The following DESI2 variants were observed in gnomAD, a reference collection of about 807,000 sequenced individuals.
The protein encoded by DESI2 is deubiquitinase DESI2.
Under a neutral mutation model 24.1 loss-of-function variants are expected in DESI2, and 10 were observed. That is an observed-to-expected ratio of 0.41 (90% CI 0.26 to 0.70). The LOEUF (loss-of-function observed/expected upper bound fraction) is 0.70, where lower values mean the gene tolerates loss of function less well. DESI2 is among the 30% of genes least tolerant of loss of function. The pLI is 0.29. For synonymous variants in DESI2, 71 were observed against 87.7 expected, an observed-to-expected ratio of 0.81 and a Z score of 1.06; for missense variants, 122 against 234.9, an observed-to-expected ratio of 0.52 and a Z score of 3.14.
chr1:244,676,444 A>AT (rs1032082290), intron 1 of DESI2, among the ~76,000 whole-genome samples: 2 of 152,004 alleles, frequency 1.3e-5, no homozygotes, highest in Non-Finnish European at 2.9e-5. Flanking sequence ...AGTTTTAGTA[A>AT]TTTTTTAGTG....
intron 4 of DESI2, chr1:244,694,452 G>T (rs1362219201): frequency 3.9e-6 from 3 of 774,082 alleles, no homozygotes; most frequent in Non-Finnish European, 7.0e-6. Flanking sequence ...GGATGCTGCA[G>T]CAGCTGCCCT....
chr1:244,698,939 T>C (rs925325811), intron 4 of DESI2, among the ~76,000 whole-genome samples: 1 of 152,326 alleles, frequency 6.6e-6, no homozygotes, highest in Non-Finnish European at 1.5e-5. Context: ...GGGGAAAGCA[T>C]ATCACTAGGA....
intron 1 of DESI2, among the ~76,000 whole-genome samples, chr1:244,674,333 T>TTA (rs1340454155): frequency 1.3e-5 from 2 of 149,074 alleles, no homozygotes; most frequent in African/African-American, 4.9e-5. Context: ...TTTTTTTTTT[T>TTA]AACAGCCTTT....
rs1677699178 is a variant in DESI2 at position 244,706,201 on chromosome 1, G to A, written c.*412G>A. The A allele has an allele frequency of 5.5e-6, 1 of 181,582 alleles. No individual in the cohort carries two copies. Among genetic ancestry groups the A allele is most frequent in the Non-Finnish European group, 1.2e-5 (1 of 85,116 alleles). The allele number at this position is 181,582 out of a possible 1,614,324, so 11.2% of individuals were successfully genotyped here. ...AATTGCCAGATCTATGGCATAAATA[G>A]GCACACAAAAAGGTACTTAAACAGT... is the stretch of plus-strand genomic sequence containing the variant. On this transcript the variant is annotated 3_prime_UTR_variant, in exon 5 of 5. Coordinates refer to ENST00000302550, the MANE Select transcript of DESI2 (RefSeq NM_016076.5).
Position 244,707,844 on chromosome 1 carries a change from T to C in DESI2, c.*2055T>C, listed in dbSNP as rs1007041332. 2.6e-5 allele frequency: 4 copies of C among 152,228 alleles called. No homozygotes were observed. The highest frequency in any genetic ancestry group is 2.6e-4 in the Admixed American group (4 of 15,286). The allele number at this position is 152,228 out of a possible 1,614,324, so 9.4% of individuals were successfully genotyped here. ...ATTTTGTTGTATTTACTTGCATTTG[T>C]TGTATTTACTTTCATCTGCAGCATT... On this transcript the variant is annotated 3_prime_UTR_variant, in exon 5 of 5. Transcript: ENST00000302550.
chr1:244,663,877 G>A (rs1675943323), intron 1 of DESI2, among the ~76,000 whole-genome samples: 1 of 151,992 alleles, frequency 6.6e-6, no homozygotes, highest in African/African-American at 2.4e-5. Flanking sequence ...AATTAGCCAG[G>A]CGTGGTGGCG....
chr1:244,693,218 A>C (rs1282522679), intron 4 of DESI2, among the ~76,000 whole-genome samples: 1 of 152,168 alleles, frequency 6.6e-6, no homozygotes, highest in Non-Finnish European at 1.5e-5. Flanking sequence ...TCCAGTGCTT[A>C]TTATATTTTA....
chr1:244,677,601 C>T (rs1422379893), intron 1 of DESI2, among the ~76,000 whole-genome samples: 1 of 152,062 alleles, frequency 6.6e-6, no homozygotes. Flanking sequence ...GAAACAGAGC[C>T]TTCAAAAAAA....
intron 4 of DESI2, among the ~76,000 whole-genome samples, chr1:244,705,326 A>G (rs1423518152): frequency 6.6e-6 from 1 of 152,198 alleles, no homozygotes; most frequent in Non-Finnish European, 1.5e-5. Flanking sequence ...TATGAAAAGT[A>G]AGCAACTTGA....
intron 1 of DESI2, among the ~76,000 whole-genome samples, chr1:244,655,465 T>C (rs1675614169): frequency 6.6e-6 from 1 of 152,236 alleles, no homozygotes; most frequent in African/African-American, 2.4e-5. Context: ...TTGAGTGTTT[T>C]ATGTCACTAA....
intron 1 of DESI2, among the ~76,000 whole-genome samples, chr1:244,658,059 C>G (rs1056971345): frequency 1.1e-4 from 17 of 152,144 alleles, no homozygotes; most frequent in African/African-American, 3.6e-4. Flanking sequence ...TTATTTAAAT[C>G]GGTTACTTTA....
intron 1 of DESI2, among the ~76,000 whole-genome samples, chr1:244,661,284 C>T (rs1675830341): frequency 6.6e-6 from 1 of 152,122 alleles, no homozygotes; most frequent in Non-Finnish European, 1.5e-5. Context: ...TTGTGACTGG[C>T]TTATTTCACT....
chr1:244,674,697 CTT>C (rs1676356448), intron 1 of DESI2, among the ~76,000 whole-genome samples: 1 of 152,148 alleles, frequency 6.6e-6, no homozygotes, highest in African/African-American at 2.4e-5. Flanking sequence ...TACCTCATTC[CTT>C]TTTACTGAGA....
intron 2 of DESI2, among the ~76,000 whole-genome samples, chr1:244,688,821 TC>T (rs1476374831): frequency 6.6e-6 from 1 of 152,218 alleles, no homozygotes; most frequent in Admixed American, 6.5e-5. Flanking sequence ...ATAGTCTTTA[TC>T]CCAGAAACCA....
chr1:244,693,472 C>T (rs780405577), intron 4 of DESI2, among the ~76,000 whole-genome samples: 32 of 151,834 alleles, frequency 2.1e-4, no homozygotes, highest in Admixed American at 1.2e-3. Flanking sequence ...CTCTTTGTCA[C>T]CCAGGCTGGA....
At chr1:244,673,185 T>C (rs12406215) in intron 1 of DESI2, among the ~76,000 whole-genome samples, 34,072 of 152,100 alleles carry the variant, frequency 0.22, 3,877 homozygotes, top group South Asian at 0.3. Flanking sequence ...GTTGTAAAGA[T>C]TGAGCCTTCC....
In DESI2 at chr1:244,666,790, A is replaced by G. The variant is rs553781301; in HGVS notation, c.42+13435A>G. Reference sequence around the variant, plus strand: ...AGACATAACTGAAACTGGGAACAAAAAGAGGTTTAATTGGACTTACAGTTC... The same window carrying G: ...AGACATAACTGAAACTGGGAACAAAGAGAGGTTTAATTGGACTTACAGTTC... On this transcript the variant is annotated intron_variant, in intron 1 of 4. Coordinates refer to ENST00000302550, the MANE Select transcript of DESI2 (RefSeq NM_016076.5). Among the ~76,000 whole-genome samples, 3 of 152,308 alleles carry G rather than the reference A, an allele frequency of 2.0e-5. No individual in the cohort carries two copies. The South Asian group carries it at 6.2e-4, about 32-fold the overall frequency.
intron 1 of DESI2, among the ~76,000 whole-genome samples, chr1:244,685,315 A>G (rs1307683310): frequency 2.0e-5 from 3 of 152,136 alleles, no homozygotes; most frequent in Admixed American, 6.5e-5. Flanking sequence ...TATACATGAA[A>G]TTTATGCATA....
chr1:244,691,565 C>T (rs1380530447), intron 3 of DESI2, among the ~76,000 whole-genome samples: 1 of 152,112 alleles, frequency 6.6e-6, no homozygotes, highest in Admixed American at 6.5e-5. Context: ...AATATAACTG[C>T]TAATACAATA....
Sources: gnomAD v4.1 joint callset for allele counts (sites outside exome capture counted in the v4.1 genomes callset) on GRCh38, gnomAD v4.1.1 for gene constraint, MANE v1.5 for transcripts, NCBI Gene and HGNC (gene_info 2026-07-23, HGNC 2026-07-21) for gene names.